Variants in GTPBP2 observed in about 807,000 individuals in gnomAD.
GTPBP2 encodes GTP-binding protein 2.
A neutral mutation model predicts 63.0 loss-of-function variants in GTPBP2; 32 were observed. The observed-to-expected ratio is 0.51, with a 90% CI of 0.38 to 0.68. The LOEUF (loss-of-function observed/expected upper bound fraction) is 0.68, where lower values mean the gene tolerates loss of function less well. GTPBP2 is among the 30% of genes least tolerant of loss of function. The probability of loss-of-function intolerance (pLI) is 0.00; values close to 1 mark genes in which losing one functional copy is unlikely to be tolerated. For missense variants in GTPBP2, 492 were observed against 796.9 expected, an observed-to-expected ratio of 0.62 and a Z score of 4.61; for synonymous variants, 310 against 322.6, an observed-to-expected ratio of 0.96 and a Z score of 0.42.
chr6:43,625,340 T>C lies in GTPBP2; in HGVS notation c.705+23A>G. 6.2e-7 allele frequency: 1 copy of C among 1,606,806 alleles called. No individual in the cohort carries two copies. Among genetic ancestry groups the C allele is most frequent in the Non-Finnish European group, 8.5e-7 (1 of 1,173,326 alleles). ...TCCCATCCTCAGAGTCTGGCCCCAT[T>C]GGGTCCCATTGATCCCATGCACCTC... On this transcript the variant is annotated intron_variant, in intron 5 of 11. Transcript: ENST00000307126. This position sits in a 1 kb window ranked among gnomAD's most constrained non-coding sequence, Gnocchi z 5.1.
chr6:43,622,551 C>T lies in GTPBP2; in HGVS notation c.1467+82G>A, dbSNP rs1282488672. On this transcript the variant is annotated intron_variant, in intron 10 of 11. Transcript: ENST00000307126. The surrounding 1 kb of genome is among the most constrained non-coding windows in gnomAD (Gnocchi z 5.4). ...GTTTCCTCTGAGTTTCTCTGAAGCA[C>T]CTTAGATAGGTGCTCATTCAGTAGC... 1 of 1,342,344 alleles carries T rather than the reference C, an allele frequency of 7.4e-7. No homozygotes were observed. Among genetic ancestry groups the T allele is most frequent in the East Asian group, 2.3e-5 (1 of 43,114 alleles). The allele number at this position is 1,342,344 out of a possible 1,614,324, so 83.2% of individuals were successfully genotyped here.
chr6:43,630,500 G>C (rs1006098970), upstream of GTPBP2, among the ~76,000 whole-genome samples: 27 of 152,104 alleles, frequency 1.8e-4, no homozygotes, highest in African/African-American at 6.5e-4. Context: ...CAGCACTTTG[G>C]GAGGCCAAGG....
At chr6:43,621,860 C>T in intron 11 of GTPBP2, 70 bp from the exon 12 acceptor site, 2 of 1,610,656 alleles carry the variant, frequency 1.2e-6, no homozygotes, top group South Asian at 2.2e-5. Context: ...CGTGGCTCTC[C>T]ACCCTCCAGA....
intron 9 of GTPBP2, 110 bp downstream of exon 9, chr6:43,623,627 G>C: frequency 1.2e-6 from 1 of 807,072 alleles, no homozygotes; most frequent in Non-Finnish European, 2.2e-6. Flanking sequence ...AAATAAGCAT[G>C]TCCTTTAAAT....
Position 43,628,970 on chromosome 6 carries a change from T to C in GTPBP2, c.186+7A>G, listed in dbSNP as rs1487200108. The C allele has an allele frequency of 2.5e-6, 4 of 1,612,988 alleles. No individual in the cohort carries two copies. Among genetic ancestry groups the C allele is most frequent in the Admixed American group, 1.7e-5 (1 of 59,966 alleles). On this transcript the variant is annotated splice_region_variant and intron_variant, in intron 1 of 11. Transcript: ENST00000307126. ...TCTTCCCGCCCTACCACTTCTCAGG[T>C]GCTCACCTCGGGGGGCAAATACGGG...
At position 43,625,303 on chromosome 6, in the gene GTPBP2, T is replaced by G. The variant is rs969405496; in HGVS notation, c.705+60A>C. The G allele has an allele frequency of 5.1e-5, 76 of 1,492,618 alleles. 1 individual carries two copies. The highest frequency in any genetic ancestry group is 2.3e-4 in the South Asian group (20 of 88,368). The allele number at this position is 1,492,618 out of a possible 1,614,324, so 92.5% of individuals were successfully genotyped here. A position where few individuals can be genotyped will look rare whatever the true frequency, so the allele number is the denominator to read the frequency against. ...ACACTCTACCCCCATCCTATGTCCT[T>G]CACTACTACCATCCCATCCTCAGAG... On this transcript the variant is annotated intron_variant, in intron 5 of 11. Transcript: ENST00000307126. The surrounding 1 kb of genome is among the most constrained non-coding windows in gnomAD (Gnocchi z 5.1).
chr6:43,627,196 A>G, intron 1 of GTPBP2: 1 of 847,436 alleles, frequency 1.2e-6, no homozygotes, highest in Middle Eastern at 3.8e-4. Flanking sequence ...AGAACACTGA[A>G]TCAATCCATT....
rs1455130105 is a variant in GTPBP2, at chr6:43,625,112, C to T, written c.706-50G>A. 6.4e-7 allele frequency: 1 copy of T among 1,569,696 alleles called. No homozygotes were observed. Among genetic ancestry groups the T allele is most frequent in the Admixed American group, 1.7e-5 (1 of 58,388 alleles). ...GTGCCTCCTGCCAGCCCTTCCAACC[C>T]CTTCAGAGTTGCCAGGACCTAAACC... is the stretch of plus-strand genomic sequence containing the variant. On this transcript the variant is annotated intron_variant, in intron 5 of 11. Transcript: ENST00000307126. This position sits in a 1 kb window ranked among gnomAD's most constrained non-coding sequence, Gnocchi z 5.1.
Position 43,625,261 on chromosome 6 carries a change from T to G in GTPBP2, c.705+102A>C. The G allele has an allele frequency of 8.5e-7, 1 of 1,169,864 alleles. No individual in the cohort carries two copies. Among genetic ancestry groups the G allele is most frequent in the Non-Finnish European group, 1.3e-6 (1 of 787,698 alleles). 72.5% of individuals were successfully genotyped at this position (1,169,864 alleles called of 1,614,324 possible). The stretch of plus-strand genomic sequence containing the variant: ...GTCCCCTCAGGGCATTCATCTATAC[T>G]ATTTCAAAAAGTCTCCACACTCTAC... On this transcript the variant is annotated intron_variant, in intron 5 of 11. Coordinates refer to ENST00000307126, the MANE Select transcript of GTPBP2 (RefSeq NM_019096.5). The surrounding 1 kb of genome is among the most constrained non-coding windows in gnomAD (Gnocchi z 5.1).
At position 43,621,138 on chromosome 6, in the gene GTPBP2, A is replaced by C. The variant is rs898454426; in HGVS notation, c.*476T>G. On this transcript the variant is annotated 3_prime_UTR_variant, in exon 12 of 12. Coordinates refer to ENST00000307126, the MANE Select transcript of GTPBP2 (RefSeq NM_019096.5). ...GGCCGCCACCACCACCAGATGGCCA[A>C]GAGCAGATAACCTTTTGTCCACAGC... 8 of 321,636 alleles carry C rather than the reference A, an allele frequency of 2.5e-5. No homozygotes were observed. The highest frequency in any genetic ancestry group is 1.7e-4 in the African/African-American group (8 of 46,352). 19.9% of individuals were successfully genotyped at this position (321,636 alleles called of 1,614,324 possible).
In GTPBP2 at chr6:43,622,320, CAGAG is replaced by C. The variant is rs906230301; in HGVS notation, c.1468-157_1468-154del. On this transcript the variant is annotated intron_variant, in intron 10 of 11. Transcript: ENST00000307126. This position sits in a 1 kb window ranked among gnomAD's most constrained non-coding sequence, Gnocchi z 5.4. ...CTCAAAAGACAATAATCAAAACTCT[CAGAG>C]GGAATGAGTCTTTACCCACCTCCTA... 5.9e-5 allele frequency among the ~76,000 whole-genome samples: 9 copies of C among 152,128 alleles called. No individual in the cohort carries two copies. The highest frequency in any genetic ancestry group is 1.2e-4 in the Non-Finnish European group (8 of 68,028).
Position 43,624,534 on chromosome 6 carries a change from G to A in GTPBP2, c.1076C>T (p.Ala359Val). ...CTTGGGTGACTGAGCAAACTGCTGG[G>A]CAGCAGTGACGGCATCATCCTCAGA... ...VTSEDDAVTA[A>V]QQFAQSPNVT... Residue 359 changes from alanine (A) to valine (V), a missense_variant, in exon 7 of 12, where the codon GCC becomes GTC. This residue lies in a region of GTPBP2 where 400 missense variants were observed against 710.8 expected (regional missense o/e 0.56). Transcript: ENST00000307126. The surrounding 1 kb of genome is among the most constrained non-coding windows in gnomAD (Gnocchi z 5.1). 6.2e-7 allele frequency: 1 copy of A among 1,613,578 alleles called. No individual in the cohort carries two copies. Among genetic ancestry groups the A allele is most frequent in the Non-Finnish European group, 8.5e-7 (1 of 1,179,696 alleles).
At chr6:43,630,246 GAGTAC>G (rs201464068), upstream of GTPBP2, among the ~76,000 whole-genome samples, 2,802 of 152,330 alleles carry the variant, frequency 0.018, 35 homozygotes, top group South Asian at 0.042. Flanking sequence ...GCACTCTACA[GAGTAC>G]ATACATTCAG....
chr6:43,629,522 TTC>T, upstream of GTPBP2: 1 of 620,140 alleles, frequency 1.6e-6, no homozygotes, highest in Non-Finnish European at 2.9e-6. Flanking sequence ...TCGCGCTATG[TTC>T]TTTTTCTAGG....
chr6:43,624,234 G>A lies in GTPBP2; in HGVS notation c.1101-166C>T, dbSNP rs113676716. ...CCTTCTTGTGAGCCAGTCGAGCAATGTCACACAAAAAGCCCATCCGAGCCC... is the reference window on the plus strand; with the variant it reads ...CCTTCTTGTGAGCCAGTCGAGCAATATCACACAAAAAGCCCATCCGAGCCC... On this transcript the variant is annotated intron_variant, in intron 7 of 11. Transcript: ENST00000307126. The surrounding 1 kb of genome is among the most constrained non-coding windows in gnomAD (Gnocchi z 5.1). 3.8e-4 allele frequency among the ~76,000 whole-genome samples: 57 copies of A among 151,722 alleles called. 1 individual carries two copies. The highest frequency in any genetic ancestry group is 3.4e-3 in the Middle Eastern group (1 of 294).
chr6:43,630,741 TAAA>T (rs200805129), upstream of GTPBP2, among the ~76,000 whole-genome samples: 3 of 118,950 alleles, frequency 2.5e-5, no homozygotes, highest in Non-Finnish European at 3.6e-5. Context: ...AGACTCCAAC[TAAA>T]AAAAAAAAAA....
Position 43,626,858 on chromosome 6 carries a change from A to T in GTPBP2, c.213+64T>A. On this transcript the variant is annotated intron_variant, in intron 2 of 11. Coordinates refer to ENST00000307126, the MANE Select transcript of GTPBP2 (RefSeq NM_019096.5). This position sits in a 1 kb window ranked among gnomAD's most constrained non-coding sequence, Gnocchi z 4.0. The stretch of plus-strand genomic sequence containing the variant: ...AAAAAAAAGAAAGAAAGAAAAAAGA[A>T]ATTATCCCACACTGGCAAGGACAAC... The T allele has an allele frequency of 7.8e-7, 1 of 1,279,750 alleles. No homozygotes were observed. Among genetic ancestry groups the T allele is most frequent in the East Asian group, 2.3e-5 (1 of 43,240 alleles). 79.3% of individuals were successfully genotyped at this position (1,279,750 alleles called of 1,614,324 possible). A position where few individuals can be genotyped will look rare whatever the true frequency, so the allele number is the denominator to read the frequency against.
In GTPBP2 at chr6:43,625,676, T is replaced by C. The variant is rs1002136759; in HGVS notation, c.507+80A>G. 4.4e-5 allele frequency: 63 copies of C among 1,421,936 alleles called. No individual in the cohort carries two copies. Among genetic ancestry groups the C allele is most frequent in the Admixed American group, 2.5e-4 (15 of 59,622 alleles). The allele number at this position is 1,421,936 out of a possible 1,614,324, so 88.1% of individuals were successfully genotyped here. A position where few individuals can be genotyped will look rare whatever the true frequency, so the allele number is the denominator to read the frequency against. ...AGTGATGAACTGGAAGCCCCCAGGATCCCAGGCCAGGAGACAGCCTGCCAC... is the reference window on the plus strand; with the variant it reads ...AGTGATGAACTGGAAGCCCCCAGGACCCCAGGCCAGGAGACAGCCTGCCAC... On this transcript the variant is annotated intron_variant, in intron 4 of 11. Coordinates refer to ENST00000307126, the MANE Select transcript of GTPBP2 (RefSeq NM_019096.5). This position sits in a 1 kb window ranked among gnomAD's most constrained non-coding sequence, Gnocchi z 5.1.
At chr6:43,629,570 G>T, upstream of GTPBP2, 2 of 690,546 alleles carry the variant, frequency 2.9e-6, no homozygotes, top group Admixed American at 2.2e-5. Flanking sequence ...GGCCTGGGGT[G>T]GGGACGCGAG....
Sources: gnomAD v4.1 joint callset for allele counts (sites outside exome capture counted in the v4.1 genomes callset) on GRCh38, gnomAD v4.1.1 for gene constraint, gnomAD v4.1.1 regional missense constraint, Gnocchi (gnomAD v3.1) non-coding constraint, MANE v1.5 for transcripts, NCBI Gene and HGNC (gene_info 2026-07-23, HGNC 2026-07-21) for gene names.